Variants in RASSF8 observed in about 807,000 individuals in gnomAD.
RASSF8 encodes the protein ras association domain-containing protein 8.
A neutral mutation model predicts 48.5 loss-of-function variants in RASSF8; 22 were observed. The ratio of observed to expected loss-of-function variants is 0.45; its 90% CI spans 0.32 to 0.65. The LOEUF (loss-of-function observed/expected upper bound fraction) is 0.65. Ranked by LOEUF, RASSF8 falls within the 30% of genes least tolerant of loss-of-function variation. The pLI is 0.03. For synonymous variants in RASSF8, 127 were observed against 171.5 expected, an observed-to-expected ratio of 0.74 and a Z score of 2.03; for missense variants, 418 against 489.2, an observed-to-expected ratio of 0.85 and a Z score of 1.37.
chr12:26,041,184 G>A (rs1394444887), intron 2 of RASSF8, among the ~76,000 whole-genome samples: 1 of 152,080 alleles, frequency 6.6e-6, no homozygotes, highest in Non-Finnish European at 1.5e-5. Flanking sequence ...GAGCCACCGT[G>A]CCTGGCCAGT....
In RASSF8 at chr12:26,027,408, A is replaced by G. The variant is rs936652858; in HGVS notation, c.-108-27828A>G. Among the ~76,000 whole-genome samples the G allele has an allele frequency of 5.3e-5, 8 of 152,344 alleles. No homozygotes were observed. In the East Asian group the frequency reaches 1.5e-3, roughly 29 times the overall value. On this transcript the variant is annotated intron_variant, in intron 2 of 5. Coordinates refer to ENST00000689635, the MANE Select transcript of RASSF8 (RefSeq NM_001394098.1). ...AGCTGGATAGCACCGATAATTCACCATGGGTATGATTTAGGCAAGAAAGAC... is the reference window on the plus strand; with the variant it reads ...AGCTGGATAGCACCGATAATTCACCGTGGGTATGATTTAGGCAAGAAAGAC...
At position 26,070,683 on chromosome 12, in the gene RASSF8, A is replaced by G. The variant is rs1468784126; in HGVS notation, c.*1865A>G. ...TTTACATATGCCCAATATATGCCTT[A>G]TTTTTAAATAAGTCATTCTGTATAA... On this transcript the variant is annotated 3_prime_UTR_variant, in exon 6 of 6. Coordinates refer to ENST00000689635, the MANE Select transcript of RASSF8 (RefSeq NM_001394098.1). The G allele has an allele frequency of 1.1e-6, 1 of 947,962 alleles. No individual in the cohort carries two copies. Among genetic ancestry groups the G allele is most frequent in the Admixed American group, 6.2e-5 (1 of 16,178 alleles). 58.7% of individuals were successfully genotyped at this position (947,962 alleles called of 1,614,324 possible). A position where few individuals can be genotyped will look rare whatever the true frequency, so the allele number is the denominator to read the frequency against.
intron 1 of RASSF8, among the ~76,000 whole-genome samples, chr12:25,992,254 T>C (rs888148625): frequency 6.6e-6 from 1 of 152,212 alleles, no homozygotes; most frequent in Non-Finnish European, 1.5e-5. Flanking sequence ...CAGTGCAAAG[T>C]GTCTCTGCCC....
chr12:26,077,290 C>A (rs1944081075), downstream of RASSF8, among the ~76,000 whole-genome samples: 1 of 152,156 alleles, frequency 6.6e-6, no homozygotes, highest in Non-Finnish European at 1.5e-5. Flanking sequence ...TCTATTTTGG[C>A]TTTTGTTGCC....
chr12:26,073,730 A>ACTCTCTCTCT (rs1555171917), downstream of RASSF8, among the ~76,000 whole-genome samples: 5,566 of 138,196 alleles, frequency 0.04, 502 homozygotes, highest in East Asian at 0.28. Flanking sequence ...CAAAAGCGAG[A>ACTCTCTCTCT]CTCTCTCTCT....
downstream of RASSF8, among the ~76,000 whole-genome samples, chr12:26,075,314 T>A (rs1944062437): frequency 6.6e-6 from 1 of 152,210 alleles, no homozygotes; most frequent in Admixed American, 6.5e-5. Context: ...GGCAAGGGGT[T>A]GGCACAGGAG....
chr12:26,034,462 G>A (rs4963645), intron 2 of RASSF8, among the ~76,000 whole-genome samples: 14,716 of 151,768 alleles, frequency 0.097, 753 homozygotes, highest in Middle Eastern at 0.16. Flanking sequence ...TTTATGTTGG[G>A]CCGCATTTAA....
In RASSF8 at chr12:26,064,478, T is replaced by C; in HGVS notation, c.104-20T>C. The C allele has an allele frequency of 6.6e-7, 1 of 1,508,596 alleles. No individual in the cohort carries two copies. The highest frequency in any genetic ancestry group is 2.3e-5 in the East Asian group (1 of 43,684). The allele number at this position is 1,508,596 out of a possible 1,614,324, so 93.5% of individuals were successfully genotyped here. On this transcript the variant is annotated intron_variant, in intron 3 of 5. Coordinates refer to ENST00000689635, the MANE Select transcript of RASSF8 (RefSeq NM_001394098.1). ...TTACATATCCCATTTTGACAAGTTATTCTTACCTTTTTTACATAGGTCGAA... is the reference window on the plus strand; with the variant it reads ...TTACATATCCCATTTTGACAAGTTACTCTTACCTTTTTTACATAGGTCGAA...
chr12:26,052,625 T>C (rs1513124), intron 2 of RASSF8: 62,703 of 152,016 alleles, frequency 0.41, 13,744 homozygotes, highest in Non-Finnish European at 0.5. Context: ...TTTTACTCTC[T>C]AGTCTGGTTC....
chr12:26,031,290 C>T (rs907975389), intron 2 of RASSF8, among the ~76,000 whole-genome samples: 10 of 152,094 alleles, frequency 6.6e-5, no homozygotes, highest in Non-Finnish European at 1.0e-4. Flanking sequence ...TTTAAAATTC[C>T]AACACCCCAA....
In RASSF8 at chr12:26,069,154, T is replaced by A. The variant is rs1943947486; in HGVS notation, c.*336T>A. 2 of 991,632 alleles carry A rather than the reference T, an allele frequency of 2.0e-6. No homozygotes were observed. Among genetic ancestry groups the A allele is most frequent in the African/African-American group, 1.7e-5 (1 of 57,456 alleles). The allele number at this position is 991,632 out of a possible 1,614,324, so 61.4% of individuals were successfully genotyped here. On this transcript the variant is annotated 3_prime_UTR_variant, in exon 6 of 6. Transcript: ENST00000689635. ...ACTTAAGTAAGAGTGAAGAGAAATTTGTGACTGGCTTAGTTTAATTTATTT... is the reference window on the plus strand; with the variant it reads ...ACTTAAGTAAGAGTGAAGAGAAATTAGTGACTGGCTTAGTTTAATTTATTT...
chr12:26,005,874 A>G (rs1299091914), intron 2 of RASSF8, among the ~76,000 whole-genome samples: 1 of 152,190 alleles, frequency 6.6e-6, no homozygotes, highest in Non-Finnish European at 1.5e-5. Context: ...CAATTTCAAT[A>G]CTTGTGACAG....
At chr12:25,973,299 G>T (rs1472264935) in intron 1 of RASSF8, among the ~76,000 whole-genome samples, 3 of 152,106 alleles carry the variant, frequency 2.0e-5, no homozygotes, top group Non-Finnish European at 4.4e-5. Flanking sequence ...GACATATGAA[G>T]GGGAATTGAG....
In RASSF8 at chr12:26,017,081, A is replaced by G. The variant is rs1199599250; in HGVS notation, c.-109+21951A>G. Among the ~76,000 whole-genome samples the G allele has an allele frequency of 2.0e-5, 3 of 152,256 alleles. No homozygotes were observed. The East Asian group carries it at 5.8e-4, about 29-fold the overall frequency. The stretch of plus-strand genomic sequence containing the variant: ...CTTACTTGGTTTTCTTTGATTTTTC[A>G]TATGGGAATAAAAAGCTATTTAGCC... On this transcript the variant is annotated intron_variant, in intron 2 of 5. Coordinates refer to ENST00000689635, the MANE Select transcript of RASSF8 (RefSeq NM_001394098.1).
intron 2 of RASSF8, among the ~76,000 whole-genome samples, chr12:26,004,547 C>G (rs143633044): frequency 2.4e-3 from 372 of 152,186 alleles, no homozygotes; most frequent in Non-Finnish European, 4.6e-3. Flanking sequence ...CATACACTGT[C>G]AATTAACACA....
Position 26,065,063 on chromosome 12 carries a change from A to C in RASSF8, c.669A>C (p.Glu223Asp), listed in dbSNP as rs761572605. 9.3e-6 allele frequency: 15 copies of C among 1,613,808 alleles called. No homozygotes were observed. Among genetic ancestry groups the C allele is most frequent in the African/African-American group, 1.3e-5 (1 of 74,926 alleles). ...GAAACGATGTAGAAATTGAGGAGGA[A>C]GAATTCTGGGAAAATGAATTACAGA... Reference protein sequence around the residue: ...IKRNDVEIEEEEFWENELQIE... With the variant: ...IKRNDVEIEEDEFWENELQIE... Residue 223 changes from glutamate to aspartate, a missense_variant, in exon 4 of 6, where the codon GAA becomes GAC. Glu to Asp is a conservative substitution (Grantham distance 45, BLOSUM62 2). Coordinates refer to ENST00000689635, the MANE Select transcript of RASSF8 (RefSeq NM_001394098.1).
chr12:25,964,819 T>C (rs1293303252), intron 1 of RASSF8, among the ~76,000 whole-genome samples: 1 of 152,262 alleles, frequency 6.6e-6, no homozygotes, highest in Non-Finnish European at 1.5e-5. Flanking sequence ...TTCATTTCTA[T>C]GGGAAGTTCT....
chr12:26,042,983 G>C (rs1434032721), intron 2 of RASSF8, among the ~76,000 whole-genome samples: 1 of 151,924 alleles, frequency 6.6e-6, no homozygotes, highest in Non-Finnish European at 1.5e-5. Flanking sequence ...CATTAGTATT[G>C]TGCCCATTCC....
chr12:25,979,021 G>A (rs1257080281), intron 1 of RASSF8, among the ~76,000 whole-genome samples: 1 of 152,056 alleles, frequency 6.6e-6, no homozygotes, highest in Non-Finnish European at 1.5e-5. Context: ...AAAAAGATAC[G>A]GTAGTATGTT....
Sources: gnomAD v4.1 joint callset for allele counts (sites outside exome capture counted in the v4.1 genomes callset) on GRCh38, gnomAD v4.1.1 for gene constraint, MANE v1.5 for transcripts, NCBI Gene and HGNC (gene_info 2026-07-23, HGNC 2026-07-21) for gene names.